Variants in ADAMTSL3 observed in about 807,000 individuals in gnomAD.
ADAMTSL3 encodes ADAMTS like 3.
In ADAMTSL3, 128 loss-of-function variants were observed where a neutral mutation model predicts 201.7. The observed-to-expected ratio is 0.63, with a 90% CI of 0.55 to 0.73. The LOEUF (loss-of-function observed/expected upper bound fraction) is 0.73. ADAMTSL3 is among the 30% of genes least tolerant of loss of function. The pLI is 0.00. For synonymous variants in ADAMTSL3, 738 were observed against 748.4 expected (o/e 0.99, Z 0.23); for missense variants, 1,990 against 2,119.6 (o/e 0.94, Z 1.20).
At chr15:83,767,780 A>G (rs1165071062) in intron 3 of ADAMTSL3, among the ~76,000 whole-genome samples, 1 of 152,202 alleles carries the variant, frequency 6.6e-6, no homozygotes, top group Non-Finnish European at 1.5e-5. Flanking sequence ...GTATTATTTC[A>G]TATTTTTATT....
At chr15:83,843,267 C>T (rs576349676) in intron 7 of ADAMTSL3, among the ~76,000 whole-genome samples, 3 of 151,166 alleles carry the variant, frequency 2.0e-5, no homozygotes, top group Non-Finnish European at 2.9e-5. Context: ...AAATCAATTT[C>T]TACGTAGAAA....
At chr15:83,819,148 T>C (rs1019231012) in intron 5 of ADAMTSL3, among the ~76,000 whole-genome samples, 1 of 151,172 alleles carries the variant, frequency 6.6e-6, no homozygotes, top group African/African-American at 2.4e-5. Flanking sequence ...CGGGCGCCTG[T>C]AGTCCCAGCT....
rs560955747 is a variant in ADAMTSL3, at chr15:83,955,090, T to C, written c.2490+12008T>C. ...TATGTCCTTCCCTTCAGGCTTATGTTCTTCCCTTCAGGGAGGCAAGTTCTT... is the reference window on the plus strand; with the variant it reads ...TATGTCCTTCCCTTCAGGCTTATGTCCTTCCCTTCAGGGAGGCAAGTTCTT... On this transcript the variant is annotated intron_variant, in intron 19 of 29. Coordinates refer to ENST00000286744, the MANE Select transcript of ADAMTSL3 (RefSeq NM_207517.3). 1.4e-4 allele frequency among the ~76,000 whole-genome samples: 22 copies of C among 152,330 alleles called. No individual in the cohort carries two copies. The South Asian group carries it at 3.7e-3, about 26-fold the overall frequency.
chr15:83,816,027 G>T (rs535512349), intron 5 of ADAMTSL3, among the ~76,000 whole-genome samples: 12 of 152,356 alleles, frequency 7.9e-5, no homozygotes, highest in African/African-American at 2.9e-4. Context: ...GGATTCACTG[G>T]ATGGATATGT....
intron 4 of ADAMTSL3, among the ~76,000 whole-genome samples, chr15:83,795,257 G>GCAGCAACAACAACAA (rs1567149957): frequency 8.9e-6 from 1 of 112,198 alleles, no homozygotes; most frequent in Non-Finnish European, 1.8e-5. Flanking sequence ...AACAACAACA[G>GCAGCAACAACAACAA]CAGCAGCAAC....
At chr15:83,897,092 G>A (rs1162587909) in intron 13 of ADAMTSL3, among the ~76,000 whole-genome samples, 1 of 152,116 alleles carries the variant, frequency 6.6e-6, no homozygotes, top group African/African-American at 2.4e-5. Context: ...TTCAAGATGA[G>A]ATTTGGGTGG....
chr15:83,910,635 CTTTTT>C (rs3044681), intron 15 of ADAMTSL3, among the ~76,000 whole-genome samples: 2 of 131,140 alleles, frequency 1.5e-5, no homozygotes, highest in Non-Finnish European at 3.2e-5. Flanking sequence ...TTAGGTGAAC[CTTTTT>C]TTTTTTTTTT....
intron 27 of ADAMTSL3, among the ~76,000 whole-genome samples, chr15:84,028,342 A>G (rs2068347059): frequency 6.6e-6 from 1 of 152,256 alleles, no homozygotes; most frequent in African/African-American, 2.4e-5. Context: ...GACTCAGAAC[A>G]TACACCAAAA....
At chr15:83,907,321 A>C (rs1347159539) in intron 15 of ADAMTSL3, among the ~76,000 whole-genome samples, 1 of 152,180 alleles carries the variant, frequency 6.6e-6, no homozygotes, top group Non-Finnish European at 1.5e-5. Flanking sequence ...TATAATTTTT[A>C]TCATAAACAT....
intron 4 of ADAMTSL3, among the ~76,000 whole-genome samples, chr15:83,795,623 A>G (rs764486196): frequency 1.3e-5 from 2 of 152,188 alleles, no homozygotes; most frequent in African/African-American, 2.4e-5. Flanking sequence ...TTAATTCCAT[A>G]TGAAAAAAAA....
intron 23 of ADAMTSL3, among the ~76,000 whole-genome samples, chr15:84,008,486 A>G (rs1596530481): frequency 6.6e-6 from 1 of 151,816 alleles, no homozygotes; most frequent in African/African-American, 2.4e-5. Context: ...CTTTGAGGAA[A>G]CCACTTTGTT....
chr15:83,826,779 C>A (rs1281527891), intron 6 of ADAMTSL3, among the ~76,000 whole-genome samples: 47 of 148,326 alleles, frequency 3.2e-4, no homozygotes, highest in South Asian at 6.4e-4. Flanking sequence ...TTCGTCCTTG[C>A]GATAGTTTGC....
intron 27 of ADAMTSL3, 83 bp from the exon 28 acceptor site, chr15:84,031,252 A>G (rs953681345): frequency 1.1e-4 from 156 of 1,369,480 alleles, no homozygotes; most frequent in Non-Finnish European, 1.6e-4. Flanking sequence ...GTCTTCAGCT[A>G]TCCTGCCTCA....
At chr15:83,758,756 T>C (rs1265233979) in intron 3 of ADAMTSL3, among the ~76,000 whole-genome samples, 1 of 152,224 alleles carries the variant, frequency 6.6e-6, no homozygotes, top group Non-Finnish European at 1.5e-5. Context: ...ACTGGGCTAT[T>C]TCTTTTTTTT....
intron 20 of ADAMTSL3, among the ~76,000 whole-genome samples, chr15:83,978,564 C>G (rs1323008203): frequency 6.6e-6 from 1 of 152,160 alleles, no homozygotes; most frequent in Non-Finnish European, 1.5e-5. Context: ...CACCCCAAAC[C>G]AGACCGGTTT....
At chr15:83,667,259 T>A (rs902869059) in intron 2 of ADAMTSL3, among the ~76,000 whole-genome samples, 2 of 152,200 alleles carry the variant, frequency 1.3e-5, no homozygotes, top group African/African-American at 2.4e-5. Flanking sequence ...TTAAAGTTAT[T>A]GTACCTTTGT....
At chr15:84,030,457 A>G (rs1228173706) in intron 27 of ADAMTSL3, among the ~76,000 whole-genome samples, 1 of 152,190 alleles carries the variant, frequency 6.6e-6, no homozygotes, top group Non-Finnish European at 1.5e-5. Flanking sequence ...TTGGCCTTGT[A>G]TGGGGCCTAT....
At chr15:84,017,288 T>G (rs1217910455) in intron 25 of ADAMTSL3, among the ~76,000 whole-genome samples, 1 of 152,056 alleles carries the variant, frequency 6.6e-6, no homozygotes, top group Non-Finnish European at 1.5e-5. Flanking sequence ...CGGCTAATTT[T>G]TTGTATTTTT....
At chr15:83,750,635 T>G (rs2062623558) in intron 3 of ADAMTSL3, among the ~76,000 whole-genome samples, 1 of 152,076 alleles carries the variant, frequency 6.6e-6, no homozygotes. Flanking sequence ...CACTGCAACC[T>G]CCGCCTCCTG....
Sources: allele counts gnomAD v4.1 joint callset (sites outside exome capture counted in the v4.1 genomes callset), GRCh38; gene constraint gnomAD v4.1.1; transcripts MANE v1.5; gene names NCBI Gene and HGNC (gene_info 2026-07-23, HGNC 2026-07-21).